Variants in DNM3 observed in about 807,000 individuals in gnomAD.
The protein encoded by DNM3 is dynamin 3, also known as dynamin-3.
Under a neutral mutation model 101.6 loss-of-function variants are expected in DNM3, and 47 were observed. The observed-to-expected ratio is 0.46, with a 90% CI of 0.37 to 0.59. The LOEUF (loss-of-function observed/expected upper bound fraction) is 0.59. Among genes scored for constraint, DNM3 ranks in the 20% least tolerant of loss-of-function variants. The pLI is 0.00. For missense variants in DNM3, 849 were observed against 1,085.7 expected (o/e 0.78, Z 3.06); for synonymous variants, 385 against 387.9 (o/e 0.99, Z 0.09).
chr1:172,188,599 T>A (rs2059601061), intron 14 of DNM3, among the ~76,000 whole-genome samples: 1 of 152,136 alleles, frequency 6.6e-6, no homozygotes, highest in African/African-American at 2.4e-5. Context: ...CTTGGCTGTT[T>A]GCAGTTTTTT....
intron 15 of DNM3, among the ~76,000 whole-genome samples, chr1:172,256,667 C>T (rs1188757676): frequency 6.6e-6 from 1 of 151,654 alleles, no homozygotes; most frequent in Non-Finnish European, 1.5e-5. Context: ...TTTTTCTATT[C>T]CAATAATTTC....
At chr1:171,896,723 A>G (rs1343896726) in intron 1 of DNM3, among the ~76,000 whole-genome samples, 1 of 152,208 alleles carries the variant, frequency 6.6e-6, no homozygotes, top group Non-Finnish European at 1.5e-5. Context: ...ATAAACTATG[A>G]CAAAACACTT....
chr1:172,378,355 T>G (rs968389000), intron 17 of DNM3: 2 of 152,118 alleles, frequency 1.3e-5, no homozygotes, highest in African/African-American at 4.8e-5. Flanking sequence ...TGTATAGATG[T>G]GTTCTGTTTT....
chr1:172,317,083 C>G (rs1268119861), intron 16 of DNM3, among the ~76,000 whole-genome samples: 1 of 151,900 alleles, frequency 6.6e-6, no homozygotes, highest in African/African-American at 2.4e-5. Flanking sequence ...GATTAAGAAA[C>G]TCACTCAAAA....
chr1:171,914,579 C>T (rs978400251), intron 1 of DNM3, among the ~76,000 whole-genome samples: 1 of 152,038 alleles, frequency 6.6e-6, no homozygotes, highest in Non-Finnish European at 1.5e-5. Flanking sequence ...TATTGGCCCA[C>T]CTAGTATTCC....
intron 7 of DNM3, among the ~76,000 whole-genome samples, chr1:172,040,878 A>C (rs559764213): frequency 6.6e-6 from 1 of 152,236 alleles, no homozygotes; most frequent in South Asian, 2.1e-4. Context: ...GACATGGTGC[A>C]TTTGGGGAAC....
At chr1:172,232,538 C>T (rs2061379528) in intron 14 of DNM3, among the ~76,000 whole-genome samples, 1 of 152,130 alleles carries the variant, frequency 6.6e-6, no homozygotes, top group African/African-American at 2.4e-5. Flanking sequence ...CCAAGCAGAC[C>T]TAATAGACAT....
In DNM3 at chr1:172,336,757, AC is replaced by A. The variant is rs140200599; in HGVS notation, c.1893+13419del. Among the ~76,000 whole-genome samples the A allele has an allele frequency of 1.7e-3, 261 of 151,216 alleles. 1 individual carries two copies. Among genetic ancestry groups the A allele is most frequent in the African/African-American group, 6.1e-3 (252 of 41,306 alleles). ...TAGTCTTCTTTAACTGCAACTGCACACCTATTGACTCTAATTAGAGGGATAA... is the reference window on the plus strand; with the variant it reads ...TAGTCTTCTTTAACTGCAACTGCACACTATTGACTCTAATTAGAGGGATAA... On this transcript the variant is annotated intron_variant, in intron 17 of 20. Transcript: ENST00000627582.
At chr1:172,164,032 A>C (rs1405067523) in intron 14 of DNM3, among the ~76,000 whole-genome samples, 2 of 151,626 alleles carry the variant, frequency 1.3e-5, no homozygotes, top group African/African-American at 4.8e-5. Context: ...TTGTTTCCAC[A>C]TCTTGGCTAT....
intron 14 of DNM3, among the ~76,000 whole-genome samples, chr1:172,181,453 C>A (rs902121605): frequency 4.0e-5 from 6 of 151,646 alleles, no homozygotes; most frequent in Admixed American, 3.9e-4. Flanking sequence ...CTATATATAT[C>A]TTGCTATTAG....
At chr1:172,235,640 A>G (rs560126607) in intron 14 of DNM3, among the ~76,000 whole-genome samples, 1 of 152,352 alleles carries the variant, frequency 6.6e-6, no homozygotes, top group Non-Finnish European at 1.5e-5. Flanking sequence ...TGTGGCACAT[A>G]TACACCATGG....
At chr1:171,943,377 CATT>C (rs2041947086) in intron 2 of DNM3, among the ~76,000 whole-genome samples, 1 of 152,118 alleles carries the variant, frequency 6.6e-6, no homozygotes, top group Non-Finnish European at 1.5e-5. Flanking sequence ...AGTCATGCCT[CATT>C]ATACCCACCT....
At chr1:172,100,556 G>A (rs551723109) in intron 13 of DNM3, among the ~76,000 whole-genome samples, 16 of 152,214 alleles carry the variant, frequency 1.1e-4, no homozygotes, top group South Asian at 1.0e-3. Context: ...GCCTTTCTCC[G>A]CTCAGCTAAT....
intron 4 of DNM3, among the ~76,000 whole-genome samples, chr1:172,011,868 C>T (rs1366427106): frequency 6.6e-6 from 1 of 151,978 alleles, no homozygotes; most frequent in African/African-American, 2.4e-5. Flanking sequence ...CTTAAATACT[C>T]TGCTTTAAGC....
intron 15 of DNM3, among the ~76,000 whole-genome samples, chr1:172,280,630 G>A (rs2063455594): frequency 1.3e-5 from 2 of 152,120 alleles, no homozygotes; most frequent in Admixed American, 6.5e-5. Context: ...ATGGCACTTT[G>A]TACTTTACAT....
At position 172,411,898 on chromosome 1, in the gene DNM3, C is replaced by T; in HGVS notation, c.*4057C>T. 1.0e-6 allele frequency: 1 copy of T among 985,774 alleles called. No individual in the cohort carries two copies. Among genetic ancestry groups the T allele is most frequent in the South Asian group, 4.7e-5 (1 of 21,290 alleles). The allele number at this position is 985,774 out of a possible 1,614,324, so 61.1% of individuals were successfully genotyped here. On this transcript the variant is annotated 3_prime_UTR_variant, in exon 21 of 21. Transcript: ENST00000627582. Reference sequence around the variant, plus strand: ...ATGATTATTCGTTCACCAGATCACTCATTGTACATTCTAAAAAGCTCAAAT... The same window carrying T: ...ATGATTATTCGTTCACCAGATCACTTATTGTACATTCTAAAAAGCTCAAAT...
At chr1:172,363,495 T>G (rs1212230258) in intron 17 of DNM3, among the ~76,000 whole-genome samples, 1 of 151,900 alleles carries the variant, frequency 6.6e-6, no homozygotes, top group Admixed American at 6.6e-5. Context: ...AATAATTTCT[T>G]CTTGAGAATG....
At chr1:172,249,768 C>T in intron 14 of DNM3, among the ~76,000 whole-genome samples, 1 of 146,264 alleles carries the variant, frequency 6.8e-6, no homozygotes, top group East Asian at 2.1e-4. Flanking sequence ...TTATTTATTA[C>T]AAAAAAATGC....
intron 1 of DNM3, among the ~76,000 whole-genome samples, chr1:171,893,263 A>G (rs1199418686): frequency 2.0e-5 from 3 of 152,146 alleles, no homozygotes; most frequent in Non-Finnish European, 4.4e-5. Flanking sequence ...TTTGTGCTGT[A>G]AAGTTTCATA....
Sources: allele counts gnomAD v4.1 joint callset (sites outside exome capture counted in the v4.1 genomes callset), GRCh38; gene constraint gnomAD v4.1.1; transcripts MANE v1.5; gene names NCBI Gene and HGNC (gene_info 2026-07-23, HGNC 2026-07-21).